The following BORCS5 variants were observed in gnomAD, a reference collection of about 807,000 sequenced individuals.
The protein encoded by BORCS5 is BLOC-1 related complex subunit 5, also known as BLOC-1-related complex subunit 5.
Under a neutral mutation model 22.1 loss-of-function variants are expected in BORCS5, and 17 were observed. The observed-to-expected ratio is 0.77, with a 90% CI of 0.53 to 1.15. BORCS5 has a LOEUF of 1.15. Ranked by LOEUF, BORCS5 falls within the 50% of genes most tolerant of loss-of-function variation. BORCS5 has a pLI of 0.00. For missense variants in BORCS5, 247 were observed against 253.2 expected (o/e 0.98, Z 0.17); for synonymous variants, 117 against 99.8 (o/e 1.17, Z -1.03).
At chr12:12,445,573 C>T (rs1276788505) in intron 3 of BORCS5, among the ~76,000 whole-genome samples, 1 of 118,498 alleles carries the variant, frequency 8.4e-6, no homozygotes, top group African/African-American at 3.4e-5. Context: ...GGGTAGGCTC[C>T]ATCTTCAGAG....
intron 2 of BORCS5, among the ~76,000 whole-genome samples, chr12:12,410,799 T>A (rs1285798108): frequency 1.3e-5 from 2 of 152,208 alleles, no homozygotes; most frequent in Non-Finnish European, 2.9e-5. Context: ...TGGCATTGAA[T>A]CTATAAATTA....
intron 2 of BORCS5, among the ~76,000 whole-genome samples, chr12:12,381,059 T>A (rs147966521): frequency 1.4e-5 from 2 of 147,032 alleles, no homozygotes; most frequent in East Asian, 3.9e-4. Flanking sequence ...TCGCCCAGGC[T>A]GGAGTGCACT....
At chr12:12,452,753 C>T (rs1413804832) in intron 3 of BORCS5, among the ~76,000 whole-genome samples, 1 of 152,194 alleles carries the variant, frequency 6.6e-6, no homozygotes, top group Non-Finnish European at 1.5e-5. Flanking sequence ...TAGAGAGAGG[C>T]GTCCAGGAAA....
intron 2 of BORCS5, among the ~76,000 whole-genome samples, chr12:12,408,491 C>G (rs1479806265): frequency 1.3e-5 from 2 of 152,180 alleles, no homozygotes; most frequent in Non-Finnish European, 2.9e-5. Flanking sequence ...TCACCACTGT[C>G]CATTTCCTGA....
intron 2 of BORCS5, among the ~76,000 whole-genome samples, chr12:12,381,118 T>G (rs1165334468): frequency 6.6e-6 from 1 of 150,462 alleles, no homozygotes; most frequent in African/African-American, 2.4e-5. Flanking sequence ...TTCAAGCAGT[T>G]CTCCTGCCTT....
chr12:12,359,905 A>C (rs1863239691), intron 1 of BORCS5, among the ~76,000 whole-genome samples: 1 of 152,148 alleles, frequency 6.6e-6, no homozygotes. Context: ...GGCAAGTCAC[A>C]GTTAAATTTT....
At chr12:12,460,229 T>G (rs1476502669) in intron 3 of BORCS5, among the ~76,000 whole-genome samples, 1 of 152,224 alleles carries the variant, frequency 6.6e-6, no homozygotes, top group Non-Finnish European at 1.5e-5. Context: ...CTTATACATA[T>G]TTTGCTGAAT....
intron 2 of BORCS5, among the ~76,000 whole-genome samples, chr12:12,416,988 A>G (rs893568941): frequency 6.7e-6 from 1 of 149,622 alleles, no homozygotes; most frequent in Non-Finnish European, 1.5e-5. Context: ...GTGGTGTTTC[A>G]CCATGTTGGC....
intron 2 of BORCS5, among the ~76,000 whole-genome samples, chr12:12,368,872 C>G (rs1399096262): frequency 6.6e-6 from 1 of 151,932 alleles, no homozygotes; most frequent in African/African-American, 2.4e-5. Flanking sequence ...TCAACAAACA[C>G]TGGATCTTCT....
chr12:12,463,716 C>T (rs760084711), intron 3 of BORCS5, among the ~76,000 whole-genome samples: 63 of 152,178 alleles, frequency 4.1e-4, no homozygotes, highest in African/African-American at 1.4e-3. Flanking sequence ...ACATTAAACA[C>T]GGGCCCCAGC....
In BORCS5 at chr12:12,466,640, C is replaced by G. The variant is rs1017619532; in HGVS notation, c.*864C>G. 3 of 152,110 alleles carry G rather than the reference C, an allele frequency of 2.0e-5. No homozygotes were observed. The highest frequency in any genetic ancestry group is 7.2e-5 in the African/African-American group (3 of 41,396). The allele number at this position is 152,110 out of a possible 1,614,324, so 9.4% of individuals were successfully genotyped here. On this transcript the variant is annotated 3_prime_UTR_variant, in exon 4 of 4. Coordinates refer to ENST00000314565, the MANE Select transcript of BORCS5 (RefSeq NM_058169.6). ...GGAAAGGAAGTTATTTGAGTAACAA[C>G]AAAAGTGCTTAGTGTCGTACTTTAC...
In BORCS5 at chr12:12,361,324, T is replaced by A; in HGVS notation, c.177T>A (p.Ile59=). Residue 59 remains isoleucine, a synonymous_variant, in exon 2 of 4, where the codon ATT becomes ATA. Transcript: ENST00000314565. The stretch of plus-strand genomic sequence containing the variant: ...CCGATGTCATCAAGTTGCAAGAGAT[T>A]CCAACCTTCCAGCCCCTTTTGAAAG... ...NDPDVIKLQE[I]PTFQPLLKGL... 6.2e-7 allele frequency: 1 copy of A among 1,614,166 alleles called. No homozygotes were observed. Among genetic ancestry groups the A allele is most frequent in the African/African-American group, 1.3e-5 (1 of 75,054 alleles).
At chr12:12,445,941 C>CTTCTG (rs1388853823) in intron 3 of BORCS5, among the ~76,000 whole-genome samples, 4 of 152,004 alleles carry the variant, frequency 2.6e-5, no homozygotes, top group Admixed American at 2.6e-4. Context: ...CCATACCTAG[C>CTTCTG]TTCTGTTTTG....
intron 3 of BORCS5, among the ~76,000 whole-genome samples, chr12:12,455,985 G>A (rs1942992646): frequency 6.6e-6 from 1 of 152,078 alleles, no homozygotes; most frequent in Non-Finnish European, 1.5e-5. Flanking sequence ...ATCATTTCAT[G>A]CATATCTACA....
At chr12:12,357,646 A>AG (rs1306923211) in intron 1 of BORCS5, 137 bp downstream of exon 1, 2 of 887,918 alleles carry the variant, frequency 2.3e-6, no homozygotes, top group African/African-American at 3.5e-5. Flanking sequence ...GAAAAAAAAA[A>AG]AGTCACCATC....
chr12:12,390,364 T>A (rs1941142142), intron 2 of BORCS5, among the ~76,000 whole-genome samples: 1 of 152,100 alleles, frequency 6.6e-6, no homozygotes, highest in Non-Finnish European at 1.5e-5. Context: ...TTTACATAGA[T>A]CATGATGAGG....
chr12:12,400,589 G>GAA (rs34678519), intron 2 of BORCS5, among the ~76,000 whole-genome samples: 3,910 of 138,780 alleles, frequency 0.028, 99 homozygotes, highest in African/African-American at 0.063. Context: ...TCAGCATACA[G>GAA]AAAAAAAAAA....
chr12:12,392,982 C>T (rs895571550), intron 2 of BORCS5, among the ~76,000 whole-genome samples: 2 of 152,018 alleles, frequency 1.3e-5, no homozygotes, highest in African/African-American at 4.8e-5. Flanking sequence ...TAATGCAATG[C>T]CAGCACTTTA....
rs1321062631 is a variant in BORCS5, at chr12:12,427,163, C to CTTTCT, written c.203-8456_203-8452dup. On this transcript the variant is annotated intron_variant, in intron 2 of 3. Coordinates refer to ENST00000314565, the MANE Select transcript of BORCS5 (RefSeq NM_058169.6). ...TTGGGAAGATGGTTTTAGACTTTCTCTTTCTTTTCTTTTTTTTTTTTTTTT... is the reference window on the plus strand; with the variant it reads ...TTGGGAAGATGGTTTTAGACTTTCTCTTTCTTTTCTTTTCTTTTTTTTTTTTTTTT... Among the ~76,000 whole-genome samples, 279 of 133,580 alleles carry CTTTCT rather than the reference C, an allele frequency of 2.1e-3. 6 individuals carry two copies. The highest frequency in any genetic ancestry group is 5.8e-3 in the East Asian group (27 of 4,666). 87.6% of individuals were successfully genotyped at this position (133,580 alleles called of 152,430 possible).
Sources: gnomAD v4.1 joint callset for allele counts (sites outside exome capture counted in the v4.1 genomes callset) on GRCh38, gnomAD v4.1.1 for gene constraint, MANE v1.5 for transcripts, NCBI Gene and HGNC (gene_info 2026-07-23, HGNC 2026-07-21) for gene names.